Variants in VEGFC observed in about 807,000 individuals in gnomAD.
VEGFC encodes FLT4 ligand DHM.
VEGFC carries 12 observed loss-of-function variants against 46.1 expected under a neutral mutation model. The ratio of observed to expected loss-of-function variants is 0.26; its 90% CI spans 0.17 to 0.42. The LOEUF is 0.42. Among genes scored for constraint, VEGFC ranks in the 10% least tolerant of loss-of-function variants. VEGFC has a pLI of 1.00. For synonymous variants in VEGFC, 232 were observed against 195.5 expected (o/e 1.19, Z -1.56); for missense variants, 488 against 529.4 (o/e 0.92, Z 0.77).
intron 1 of VEGFC, among the ~76,000 whole-genome samples, chr4:176,765,191 A>G (rs1176253429): frequency 6.6e-6 from 1 of 152,138 alleles, no homozygotes; most frequent in East Asian, 1.9e-4. Flanking sequence ...AATAGGTCTC[A>G]ATATATGGAA....
intron 3 of VEGFC, among the ~76,000 whole-genome samples, chr4:176,724,526 T>G (rs1408541652): frequency 2.6e-5 from 4 of 152,240 alleles, no homozygotes; most frequent in Non-Finnish European, 5.9e-5. Flanking sequence ...AAGCATTTAC[T>G]ACAAATATTG....
intron 4 of VEGFC, among the ~76,000 whole-genome samples, chr4:176,706,598 C>A (rs1160382082): frequency 7.3e-6 from 1 of 136,480 alleles, no homozygotes. Flanking sequence ...TGTACTCCAG[C>A]CTGGGTGATA....
intron 4 of VEGFC, among the ~76,000 whole-genome samples, chr4:176,705,314 G>A (rs943014084): frequency 1.3e-5 from 2 of 152,044 alleles, no homozygotes; most frequent in Non-Finnish European, 2.9e-5. Context: ...GAAATACATG[G>A]AGTTAAATTT....
intron 1 of VEGFC, among the ~76,000 whole-genome samples, chr4:176,746,673 T>C (rs1735262405): frequency 6.6e-6 from 1 of 152,150 alleles, no homozygotes; most frequent in Non-Finnish European, 1.5e-5. Context: ...TAACACCAAA[T>C]GCTAAACAGC....
chr4:176,692,286 T>C (rs867242440), intron 4 of VEGFC, among the ~76,000 whole-genome samples: 9 of 133,160 alleles, frequency 6.8e-5, no homozygotes, highest in South Asian at 2.2e-4. Context: ...CCCAGCTACT[T>C]GGGAGGCTGA....
At chr4:176,752,231 A>T (rs12507491) in intron 1 of VEGFC, among the ~76,000 whole-genome samples, 107,213 of 151,944 alleles carry the variant, frequency 0.71, 43,725 homozygotes, top group East Asian at 0.93. Flanking sequence ...GCCCTAAACA[A>T]GTGGAAAATG....
intron 1 of VEGFC, among the ~76,000 whole-genome samples, chr4:176,783,013 G>GC (rs1164710027): frequency 6.6e-6 from 1 of 152,158 alleles, no homozygotes; most frequent in Non-Finnish European, 1.5e-5. Flanking sequence ...GGCCTCCAAT[G>GC]CCCCCAGCAC....
At chr4:176,691,906 G>C (rs976329427) in intron 4 of VEGFC, among the ~76,000 whole-genome samples, 1 of 152,158 alleles carries the variant, frequency 6.6e-6, no homozygotes, top group East Asian at 1.9e-4. Context: ...TCTCACTAGG[G>C]AGTGCCAGAC....
At position 176,740,081 on chromosome 4, in the gene VEGFC, T is replaced by C. The variant is rs1319800490; in HGVS notation, c.148-10335A>G. Among the ~76,000 whole-genome samples, 2 of 116,146 alleles carry C rather than the reference T, an allele frequency of 1.7e-5. 1 individual carries two copies. Among genetic ancestry groups the C allele is most frequent in the African/African-American group, 6.6e-5 (2 of 30,266 alleles). The allele number at this position is 116,146 out of a possible 152,430, so 76.2% of individuals were successfully genotyped here. A position where few individuals can be genotyped will look rare whatever the true frequency, so the allele number is the denominator to read the frequency against. Reference sequence around the variant, plus strand: ...AGAATATATATAACTATATATTATATATTCTATATATTCTATACATATATT... The same window carrying C: ...AGAATATATATAACTATATATTATACATTCTATATATTCTATACATATATT... On this transcript the variant is annotated intron_variant, in intron 1 of 6. Transcript: ENST00000618562.
At chr4:176,716,268 T>C (rs945221981) in intron 3 of VEGFC, among the ~76,000 whole-genome samples, 4 of 152,056 alleles carry the variant, frequency 2.6e-5, no homozygotes, top group Non-Finnish European at 5.9e-5. Flanking sequence ...ACCTTGCCTC[T>C]ATGCTGATCA....
At chr4:176,702,713 G>A (rs1445121943) in intron 4 of VEGFC, among the ~76,000 whole-genome samples, 1 of 151,940 alleles carries the variant, frequency 6.6e-6, no homozygotes, top group Non-Finnish European at 1.5e-5. Flanking sequence ...AATAAATTTA[G>A]CACTATTAAC....
chr4:176,689,036 G>T (rs1364454960), intron 4 of VEGFC, among the ~76,000 whole-genome samples: 2 of 152,098 alleles, frequency 1.3e-5, no homozygotes, highest in African/African-American at 4.8e-5. Context: ...AGGATTTTTG[G>T]TTTTAAATAT....
At chr4:176,731,607 T>C (rs1734965851) in intron 1 of VEGFC, among the ~76,000 whole-genome samples, 1 of 151,810 alleles carries the variant, frequency 6.6e-6, no homozygotes, top group Non-Finnish European at 1.5e-5. Context: ...TAGGGACCTG[T>C]GTGTGATTGG....
At chr4:176,772,964 T>C (rs2110930220) in intron 1 of VEGFC, among the ~76,000 whole-genome samples, 1 of 152,308 alleles carries the variant, frequency 6.6e-6, no homozygotes, top group Non-Finnish European at 1.5e-5. Context: ...GTACATTCAT[T>C]CTCCTTTCCT....
At chr4:176,784,064 T>TTTTTTG (rs376721787) in intron 1 of VEGFC, among the ~76,000 whole-genome samples, 2,106 of 35,506 alleles carry the variant, frequency 0.059, 70 homozygotes, top group Non-Finnish European at 0.082. Flanking sequence ...GCACATGCTG[T>TTTTTTG]TTTTTTTTTT....
At chr4:176,780,477 T>C (rs931153087) in intron 1 of VEGFC, among the ~76,000 whole-genome samples, 21 of 151,906 alleles carry the variant, frequency 1.4e-4, no homozygotes, top group African/African-American at 5.1e-4. Context: ...AAGGACAGCA[T>C]GGAGTTCATC....
At chr4:176,769,403 A>G (rs1311048083) in intron 1 of VEGFC, among the ~76,000 whole-genome samples, 1 of 152,126 alleles carries the variant, frequency 6.6e-6, no homozygotes, top group Non-Finnish European at 1.5e-5. Flanking sequence ...CTCACCTGTG[A>G]CCATCACAGA....
chr4:176,731,561 T>A (rs542845789), intron 1 of VEGFC, among the ~76,000 whole-genome samples: 1 of 151,970 alleles, frequency 6.6e-6, no homozygotes, highest in Admixed American at 6.6e-5. Context: ...TTTGTTTGTC[T>A]CTGCTTGTTG....
intron 1 of VEGFC, among the ~76,000 whole-genome samples, chr4:176,737,268 T>C (rs909995436): frequency 2.0e-5 from 2 of 98,502 alleles, no homozygotes; most frequent in African/African-American, 5.8e-5. Flanking sequence ...TTAATAAATA[T>C]AGAATATGTT....
Sources: allele counts gnomAD v4.1 joint callset (sites outside exome capture counted in the v4.1 genomes callset), GRCh38; gene constraint gnomAD v4.1.1; transcripts MANE v1.5; gene names NCBI Gene and HGNC (gene_info 2026-07-23, HGNC 2026-07-21).